The following NF1 variants were observed in gnomAD, a reference collection of about 807,000 sequenced individuals.
NF1 encodes neurofibromin.
NF1 carries 122 observed loss-of-function variants against 325.7 expected under a neutral mutation model. The ratio of observed to expected loss-of-function variants is 0.37; its 90% CI spans 0.32 to 0.44. The LOEUF is 0.44. Ranked by LOEUF, NF1 falls within the 20% of genes least tolerant of loss-of-function variation. The pLI is 1.00. For missense variants in NF1, 2,140 were observed against 3,415.4 expected (o/e 0.63, Z 9.31); for synonymous variants, 1,091 against 1,186.0 (o/e 0.92, Z 1.65).
intron 36 of NF1, chr17:31,304,223 T>C: frequency 6.6e-7 from 1 of 1,526,522 alleles, no homozygotes; most frequent in Admixed American, 2.2e-5. Context: ...AAAAGAGTCA[T>C]TTGAGGATGG....
chr17:31,358,416 C>T (rs2070322758), intron 54 of NF1, 64 bp from the exon 55 acceptor site: 3 of 1,483,694 alleles, frequency 2.0e-6, no homozygotes, highest in South Asian at 2.3e-5. Context: ...TTATGTTTTC[C>T]ACTACATATT....
chr17:31,157,590 A>T (rs2065686427), intron 2 of NF1, among the ~76,000 whole-genome samples: 2 of 152,180 alleles, frequency 1.3e-5, no homozygotes, highest in African/African-American at 4.8e-5. Flanking sequence ...GGTAATTAGC[A>T]TATCCATCAT....
chr17:31,350,632 C>G (rs950799034), intron 50 of NF1, among the ~76,000 whole-genome samples: 3 of 151,928 alleles, frequency 2.0e-5, no homozygotes, highest in Non-Finnish European at 4.4e-5. Context: ...AAAACTAACG[C>G]GAAATATAAA....
chr17:31,143,039 C>T (rs1266793822), intron 1 of NF1, among the ~76,000 whole-genome samples: 3 of 151,996 alleles, frequency 2.0e-5, no homozygotes, highest in Non-Finnish European at 2.9e-5. Context: ...ATTGTATGTG[C>T]ATTCTTTTAC....
intron 5 of NF1, among the ~76,000 whole-genome samples, chr17:31,180,156 G>C (rs1233912826): frequency 6.6e-6 from 1 of 151,380 alleles, no homozygotes; most frequent in African/African-American, 2.4e-5. Flanking sequence ...TTCACAGCCA[G>C]ATTCAGCTAG....
rs1597868425 is a variant in NF1, at chr17:31,358,680, G to A, written c.8113+58G>A. On this transcript the variant is annotated intron_variant, in intron 55 of 57. Transcript: ENST00000358273. The stretch of plus-strand genomic sequence containing the variant: ...TGAACTTGCTAACATGCGCGCTGTT[G>A]TAGAATGCACTGACTACAGAATTCT... The A allele has an allele frequency of 1.3e-5, 21 of 1,583,442 alleles. No homozygotes were observed. The East Asian group carries it at 4.5e-4, about 34-fold the overall frequency.
intron 20 of NF1, among the ~76,000 whole-genome samples, chr17:31,228,150 A>G (rs2067048184): frequency 1.3e-5 from 2 of 152,236 alleles, no homozygotes; most frequent in Admixed American, 6.5e-5. Context: ...CATAGAGTAA[A>G]TGAAATTTTA....
At chr17:31,154,510 CTT>C (rs1290665436) in intron 1 of NF1, among the ~76,000 whole-genome samples, 2 of 152,098 alleles carry the variant, frequency 1.3e-5, no homozygotes, top group African/African-American at 2.4e-5. Flanking sequence ...GTTACAGTGA[CTT>C]GTGCTCACTG....
intron 57 of NF1, among the ~76,000 whole-genome samples, chr17:31,369,250 G>T (rs2070588036): frequency 6.6e-6 from 1 of 152,172 alleles, no homozygotes; most frequent in Non-Finnish European, 1.5e-5. Flanking sequence ...TCATGTTCTA[G>T]CAGGGAAGAT....
intron 1 of NF1, among the ~76,000 whole-genome samples, chr17:31,151,044 AT>A (rs370476018): frequency 0.14 from 5,967 of 43,816 alleles, 335 homozygotes; most frequent in Middle Eastern, 0.32. Context: ...CAAAAAAAAA[AT>A]AAATAAATAA....
intron 5 of NF1, among the ~76,000 whole-genome samples, chr17:31,177,342 G>C (rs2066042591): frequency 6.6e-6 from 1 of 151,984 alleles, no homozygotes; most frequent in African/African-American, 2.4e-5. Context: ...CCTGTTAGAA[G>C]GAAAACTAAG....
intron 36 of NF1, among the ~76,000 whole-genome samples, chr17:31,279,121 T>C (rs181463786): frequency 2.5e-4 from 38 of 152,148 alleles, no homozygotes; most frequent in Non-Finnish European, 2.5e-4. Flanking sequence ...GGCACACACC[T>C]GTATAGTCTT....
intron 36 of NF1, among the ~76,000 whole-genome samples, chr17:31,299,819 T>C (rs1222236354): frequency 6.6e-6 from 1 of 152,076 alleles, no homozygotes; most frequent in East Asian, 1.9e-4. Flanking sequence ...TTTATGCCAC[T>C]GGCTTGTTGC....
At chr17:31,301,044 G>A (rs1432050180) in intron 36 of NF1, among the ~76,000 whole-genome samples, 1 of 151,990 alleles carries the variant, frequency 6.6e-6, no homozygotes, top group Non-Finnish European at 1.5e-5. Flanking sequence ...AGAGGTATTA[G>A]CACTTTGTCT....
At chr17:31,183,022 TGTACTTAGG>T in intron 8 of NF1, 1 of 536,436 alleles carries the variant, frequency 1.9e-6, no homozygotes, top group Non-Finnish European at 3.3e-6. Context: ...GTTATTTGCA[TGTACTTAGG>T]GTATGTGTCC....
chr17:31,129,440 G>A (rs921607213), intron 1 of NF1, among the ~76,000 whole-genome samples: 2 of 148,776 alleles, frequency 1.3e-5, no homozygotes, highest in African/African-American at 2.5e-5. Context: ...TAATACTTGC[G>A]ATTGCATTAT....
chr17:31,219,548 A>G (rs960019087), intron 14 of NF1, among the ~76,000 whole-genome samples: 6 of 151,972 alleles, frequency 3.9e-5, no homozygotes, highest in African/African-American at 1.2e-4. Context: ...TTTGTTACAT[A>G]TGTATACATG....
chr17:31,149,304 A>ACG (rs1916778844), intron 1 of NF1, among the ~76,000 whole-genome samples: 1 of 152,006 alleles, frequency 6.6e-6, no homozygotes. Context: ...ACACACACAC[A>ACG]CACACACACA....
At chr17:31,371,640 T>A (rs1333861958) in intron 57 of NF1, among the ~76,000 whole-genome samples, 1 of 152,210 alleles carries the variant, frequency 6.6e-6, no homozygotes, top group Non-Finnish European at 1.5e-5. Flanking sequence ...TATGATTAGA[T>A]TAGATTAGAT....
Sources: gnomAD v4.1 joint callset for allele counts (sites outside exome capture counted in the v4.1 genomes callset) on GRCh38, gnomAD v4.1.1 for gene constraint, MANE v1.5 for transcripts, NCBI Gene and HGNC (gene_info 2026-07-23, HGNC 2026-07-21) for gene names.